Variants in CREBZF observed in about 807,000 individuals in gnomAD.
CREBZF encodes CREB/ATF bZIP transcription factor, also known as HCF-binding transcription factor Zhangfei.
In CREBZF, 8 loss-of-function variants were observed where a neutral mutation model predicts 21.1. The observed-to-expected ratio is 0.38, with a 90% CI of 0.22 to 0.68. The LOEUF is 0.68. Among genes scored for constraint, CREBZF ranks in the 30% least tolerant of loss-of-function variants. CREBZF has a pLI of 0.51. For missense variants in CREBZF, 518 were observed against 484.3 expected (o/e 1.07, Z -0.65); for synonymous variants, 270 against 223.3 (o/e 1.21, Z -1.86).
chr11:85,660,695 G>A lies in CREBZF; in HGVS notation c.*3116C>T. 1.2e-5 allele frequency: 5 copies of A among 409,040 alleles called. No homozygotes were observed. The highest frequency in any genetic ancestry group is 4.5e-4 in the Middle Eastern group (1 of 2,212). The allele number at this position is 409,040 out of a possible 1,614,324, so 25.3% of individuals were successfully genotyped here. A position where few individuals can be genotyped will look rare whatever the true frequency, so the allele number is the denominator to read the frequency against. On this transcript the variant is annotated 3_prime_UTR_variant, in exon 1 of 1. Transcript: ENST00000527447. ...CTTCTTGTTGGATTATATCAGAGGT[G>A]TGACTACATTTTAACAAAAGTGGAC... is the stretch of plus-strand genomic sequence containing the variant.
intron 1 of CREBZF, among the ~76,000 whole-genome samples, chr11:85,670,412 T>C (rs1591489017): frequency 6.8e-6 from 1 of 147,404 alleles, no homozygotes; most frequent in South Asian, 2.3e-4. Flanking sequence ...CACACCATTC[T>C]CCTGCCTCAG....
rs1173264708 is a variant in CREBZF, at chr11:85,661,170, C to G, written c.*2641G>C. 1 of 152,390 alleles carries G rather than the reference C, an allele frequency of 6.6e-6. No individual in the cohort carries two copies. Among genetic ancestry groups the G allele is most frequent in the African/African-American group, 2.4e-5 (1 of 41,382 alleles). 9.4% of individuals were successfully genotyped at this position (152,390 alleles called of 1,614,324 possible). A position where few individuals can be genotyped will look rare whatever the true frequency, so the allele number is the denominator to read the frequency against. On this transcript the variant is annotated 3_prime_UTR_variant, in exon 1 of 1. Transcript: ENST00000527447. ...AAACAGATCTGTTTAAATTCAGAAA[C>G]CCAAACATTTACAGTAAAATGTGCT...
At chr11:85,669,210 T>C (rs2082894603), upstream of CREBZF, among the ~76,000 whole-genome samples, 1 of 151,936 alleles carries the variant, frequency 6.6e-6, no homozygotes, top group Non-Finnish European at 1.5e-5. Context: ...TTAAGACAAT[T>C]GTGAGAGAAG....
rs2082718580 is a variant in CREBZF at position 85,662,713 on chromosome 11, A to C, written c.*1098T>G. On this transcript the variant is annotated 3_prime_UTR_variant, in exon 1 of 1. Coordinates refer to ENST00000527447, the MANE Select transcript of CREBZF (RefSeq NM_001039618.4). ...ATACTTTTGAAACACAGAGAATAAG[A>C]TTCTTTGTGAAGCCTCACTTTACAC... 6.0e-6 allele frequency: 2 copies of C among 334,478 alleles called. No individual in the cohort carries two copies. The highest frequency in any genetic ancestry group is 4.5e-5 in the Admixed American group (1 of 22,122). 20.7% of individuals were successfully genotyped at this position (334,478 alleles called of 1,614,324 possible).
rs1359175855 is a variant in CREBZF at position 85,663,633 on chromosome 11, C to T, written c.*178G>A. ...GAGAGATTTAATAGTCACATGTTAT[C>T]ATTAGGAGTTGGTTACTGTGTCACA... On this transcript the variant is annotated 3_prime_UTR_variant, in exon 1 of 1. Coordinates refer to ENST00000527447, the MANE Select transcript of CREBZF (RefSeq NM_001039618.4). 1 of 1,582,328 alleles carries T rather than the reference C, an allele frequency of 6.3e-7. No homozygotes were observed. Among genetic ancestry groups the T allele is most frequent in the African/African-American group, 1.4e-5 (1 of 73,836 alleles).
chr11:85,669,153 G>T (rs1038490065), upstream of CREBZF, among the ~76,000 whole-genome samples: 8 of 151,854 alleles, frequency 5.3e-5, no homozygotes, highest in African/African-American at 1.9e-4. Flanking sequence ...AGTCTTTGGG[G>T]GGAAGGAGCC....
chr11:85,669,665 T>A (rs1359922346), upstream of CREBZF, among the ~76,000 whole-genome samples: 1 of 152,112 alleles, frequency 6.6e-6, no homozygotes, highest in Non-Finnish European at 1.5e-5. Context: ...TCTGAGGAAA[T>A]AAGATTTCAG....
At chr11:85,671,444 C>A (rs1249263027) in intron 1 of CREBZF, among the ~76,000 whole-genome samples, 1 of 152,150 alleles carries the variant, frequency 6.6e-6, no homozygotes, top group Non-Finnish European at 1.5e-5. Flanking sequence ...TCCCAACAGT[C>A]CCACATTCAG....
At chr11:85,677,580 C>A (rs7127477) in intron 1 of CREBZF, among the ~76,000 whole-genome samples, 3 of 152,020 alleles carry the variant, frequency 2.0e-5, no homozygotes, top group Admixed American at 2.0e-4. Context: ...TTTACTTATC[C>A]CACTAGCCCA....
chr11:85,664,672 C>G lies in CREBZF; in HGVS notation c.204G>C (p.Gly68=). 1 of 1,603,060 alleles carries G rather than the reference C, an allele frequency of 6.2e-7. No homozygotes were observed. The highest frequency in any genetic ancestry group is 1.3e-5 in the African/African-American group (1 of 74,556). ...GDEGELEAGR[G]SRGGVAVRAP... ...CGCGCACGGCCACGCCGCCGCGGCT[C>G]CCCCTCCCGGCTTCCAACTCTCCTT... The change falls in exon 1 of 1, where the codon GGG becomes GGC. Residue 68 remains glycine (G), a synonymous_variant. Transcript: ENST00000527447. This position sits in a 1 kb window ranked among gnomAD's most constrained non-coding sequence, Gnocchi z 5.5.
chr11:85,678,853 C>G (rs1411516383), intron 1 of CREBZF, among the ~76,000 whole-genome samples: 3 of 152,174 alleles, frequency 2.0e-5, no homozygotes, highest in Non-Finnish European at 2.9e-5. Context: ...GCCAATGCAC[C>G]CTTTTGCTTA....
rs1382739657 is a variant in CREBZF at position 85,659,535 on chromosome 11, A to G, written c.*4276T>C. Among the ~76,000 whole-genome samples, 1 of 152,088 alleles carries G rather than the reference A, an allele frequency of 6.6e-6. No individual in the cohort carries two copies. The highest frequency in any genetic ancestry group is 2.4e-5 in the African/African-American group (1 of 41,432). ...AACTGAATGGATTTAATAAGTTTTG[A>G]ATAATACAATAACCAACTGTATATT... On this transcript the variant is annotated 3_prime_UTR_variant, in exon 1 of 1. Coordinates refer to ENST00000527447, the MANE Select transcript of CREBZF (RefSeq NM_001039618.4).
chr11:85,678,557 A>G (rs1338705150), intron 1 of CREBZF, among the ~76,000 whole-genome samples: 1 of 152,220 alleles, frequency 6.6e-6, no homozygotes, highest in Non-Finnish European at 1.5e-5. Context: ...TATAATGCCA[A>G]TATTACAACT....
intron 1 of CREBZF, among the ~76,000 whole-genome samples, chr11:85,677,784 C>T (rs1179769852): frequency 6.6e-6 from 1 of 152,210 alleles, no homozygotes; most frequent in Non-Finnish European, 1.5e-5. Flanking sequence ...GTCTAATTCT[C>T]CCACTGCAAA....
rs2082588407 is a variant in CREBZF, at chr11:85,658,755, CAG to C, written c.*5054_*5055del. Among the ~76,000 whole-genome samples the C allele has an allele frequency of 6.6e-6, 1 of 151,796 alleles. No individual in the cohort carries two copies. The highest frequency in any genetic ancestry group is 1.5e-5 in the Non-Finnish European group (1 of 67,892). ...CCAGAGGGGTCTAGGGAATTGATCT[CAG>C]TGGGTATACAGCAAAGACAAAATTT... On this transcript the variant is annotated 3_prime_UTR_variant, in exon 1 of 1. Transcript: ENST00000527447.
chr11:85,664,596 C>G lies in CREBZF; in HGVS notation c.280G>C (p.Glu94Gln), dbSNP rs780577054. Residue 94 changes from glutamate to glutamine, a missense_variant, in exon 1 of 1, where the codon GAA becomes CAA. Around this residue, in one of 3 missense-constraint regions of CREBZF, gnomAD observed 396 missense variants for 324.4 expected, o/e 1.22. Coordinates refer to ENST00000527447, the MANE Select transcript of CREBZF (RefSeq NM_001039618.4). This position sits in a 1 kb window ranked among gnomAD's most constrained non-coding sequence, Gnocchi z 5.5. ...EEEAIASLPGEETEDMDFLSG... is the reference protein window; with the variant it reads ...EEEAIASLPGQETEDMDFLSG... Reference sequence around the variant, plus strand: ...AGAAAGTCCATATCCTCCGTCTCTTCCCCCGGGAGGCTGGCGATCGCCTCC... The same window carrying G: ...AGAAAGTCCATATCCTCCGTCTCTTGCCCCGGGAGGCTGGCGATCGCCTCC... The G allele has an allele frequency of 6.2e-7, 1 of 1,613,772 alleles. No homozygotes were observed. Among genetic ancestry groups the G allele is most frequent in the South Asian group, 1.1e-5 (1 of 91,072 alleles).
chr11:85,678,579 G>A (rs1222436201), intron 1 of CREBZF, among the ~76,000 whole-genome samples: 5 of 151,876 alleles, frequency 3.3e-5, no homozygotes, highest in South Asian at 2.1e-4. Flanking sequence ...ACAAACTAAC[G>A]AATGAAATTT....
At chr11:85,675,323 T>A (rs1387761226) in intron 1 of CREBZF, among the ~76,000 whole-genome samples, 2 of 152,250 alleles carry the variant, frequency 1.3e-5, no homozygotes, top group Non-Finnish European at 2.9e-5. Flanking sequence ...TATAACTCTT[T>A]CACTTGAACA....
rs1565806995 is a variant in CREBZF, at chr11:85,662,470, G to A, written c.*1341C>T. The A allele has an allele frequency of 1.4e-6, 1 of 714,250 alleles. No individual in the cohort carries two copies. Among genetic ancestry groups the A allele is most frequent in the Non-Finnish European group, 2.6e-6 (1 of 383,776 alleles). The allele number at this position is 714,250 out of a possible 1,614,324, so 44.2% of individuals were successfully genotyped here. A position where few individuals can be genotyped will look rare whatever the true frequency, so the allele number is the denominator to read the frequency against. ...ACAGCTGTATCCACTTTAGCACAAA[G>A]AAAAACAAGGATGCTAAATACGTAT... On this transcript the variant is annotated 3_prime_UTR_variant, in exon 1 of 1. Coordinates refer to ENST00000527447, the MANE Select transcript of CREBZF (RefSeq NM_001039618.4).
Sources: gnomAD v4.1 joint callset for allele counts (sites outside exome capture counted in the v4.1 genomes callset) on GRCh38, gnomAD v4.1.1 for gene constraint, gnomAD v4.1.1 regional missense constraint, Gnocchi (gnomAD v3.1) non-coding constraint, MANE v1.5 for transcripts, NCBI Gene and HGNC (gene_info 2026-07-23, HGNC 2026-07-21) for gene names.